Variants in NBPF15 observed in about 807,000 individuals in gnomAD.
The protein encoded by NBPF15 is NBPF family member NBPF15.
A neutral mutation model predicts 62.2 loss-of-function variants in NBPF15; 74 were observed. The ratio of observed to expected loss-of-function variants is 1.19; its 90% CI spans 0.99 to 1.44. The LOEUF is 1.44. Ranked by LOEUF, NBPF15 falls within the 40% of genes most tolerant of loss-of-function variation. NBPF15 has a pLI of 0.00. For synonymous variants in NBPF15, 244 were observed against 209.7 expected (o/e 1.16, Z -1.41); for missense variants, 790 against 550.0 (o/e 1.44, Z -4.36).
In NBPF15 at chr1:144,424,696, C is replaced by T. The variant is rs1252817180; in HGVS notation, c.1657G>A (p.Val553Met). 114 of 628,708 alleles carry T rather than the reference C, an allele frequency of 1.8e-4. 1 individual carries two copies. The highest frequency in any genetic ancestry group is 5.7e-4 in the African/African-American group (30 of 52,774). 38.9% of individuals were successfully genotyped at this position (628,708 alleles called of 1,614,324 possible). ...TTCATAGAAAGGTACTCACCTCCCA[C>T]GTCAAGAGAAAAGCCAACATGTTTT... is the stretch of plus-strand genomic sequence containing the variant. ...EEKHVGFSLDVGEIEKKGKGK... is the reference protein window; with the variant it reads ...EEKHVGFSLDMGEIEKKGKGK... The change falls in exon 20 of 22, where the codon GTG (valine) becomes ATG (methionine). Residue 553 changes from valine (V) to methionine (M), a missense_variant. Val to Met is a conservative substitution (Grantham distance 21). Transcript: ENST00000581897.
intron 11 of NBPF15, among the ~76,000 whole-genome samples, 151 bp from the exon 12 acceptor site, chr1:144,435,467 G>A (rs1471619798): frequency 2.0e-4 from 30 of 151,832 alleles, no homozygotes; most frequent in African/African-American, 6.5e-4. Flanking sequence ...ATGCAATCCT[G>A]TTCTCTCTGC....
chr1:144,447,590 G>A (rs587762405), intron 6 of NBPF15, among the ~76,000 whole-genome samples: 31 of 151,966 alleles, frequency 2.0e-4, no homozygotes, highest in African/African-American at 7.2e-4. Context: ...GAAATGAGTG[G>A]AGAGTGGATC....
rs1434561281 is a variant in NBPF15 at position 144,444,467 on chromosome 1, T to C, written c.-190-4172A>G. 1.2e-4 allele frequency among the ~76,000 whole-genome samples: 18 copies of C among 151,858 alleles called. No homozygotes were observed. The South Asian group carries it at 3.6e-3, about 30-fold the overall frequency. On this transcript the variant is annotated intron_variant, in intron 6 of 21. Transcript: ENST00000581897. ...CCCCAGGCCTCCACAAACAAGTTTATTGGAGATCTGAAGGGACTCTCCAAA... is the reference window on the plus strand; with the variant it reads ...CCCCAGGCCTCCACAAACAAGTTTACTGGAGATCTGAAGGGACTCTCCAAA...
At chr1:144,456,170 G>C (rs1338852299) in intron 4 of NBPF15, among the ~76,000 whole-genome samples, 15 of 149,750 alleles carry the variant, frequency 1.0e-4, no homozygotes, top group African/African-American at 3.7e-4. Context: ...AGCTGAAGAG[G>C]AGAAAGCAGG....
At chr1:144,439,080 T>C (rs1486811521) in intron 8 of NBPF15, among the ~76,000 whole-genome samples, 3 of 151,750 alleles carry the variant, frequency 2.0e-5, no homozygotes, top group Admixed American at 6.6e-5. Context: ...GCCTCCTGGG[T>C]TCAAAGGATT....
At chr1:144,427,400 G>T (rs1419229985) in intron 16 of NBPF15, among the ~76,000 whole-genome samples, 4 of 142,184 alleles carry the variant, frequency 2.8e-5, no homozygotes, top group Non-Finnish European at 6.1e-5. Context: ...GCCCCCAAAT[G>T]GTTGCTAGGA....
chr1:144,429,623 G>A, intron 14 of NBPF15, 77 bp downstream of exon 14: 1 of 592,018 alleles, frequency 1.7e-6, no homozygotes. Context: ...CCCAACAAGG[G>A]GCACAAGGCC....
At chr1:144,431,545 A>T (rs1313514582) in intron 13 of NBPF15, among the ~76,000 whole-genome samples, 1 of 149,820 alleles carries the variant, frequency 6.7e-6, no homozygotes, top group African/African-American at 2.5e-5. Context: ...CACAACGTGC[A>T]GGTTAGTTAC....
intron 6 of NBPF15, among the ~76,000 whole-genome samples, chr1:144,446,161 T>A (rs1273671978): frequency 6.6e-6 from 1 of 152,018 alleles, no homozygotes; most frequent in African/African-American, 2.4e-5. Flanking sequence ...TCTGTTGAAT[T>A]TATTTATAAG....
chr1:144,452,113 TTG>T (rs1691561812), intron 4 of NBPF15, among the ~76,000 whole-genome samples: 1 of 151,354 alleles, frequency 6.6e-6, no homozygotes, highest in African/African-American at 2.4e-5. Flanking sequence ...GATGGCGCCG[TTG>T]CATTCGAGCC....
At position 144,445,650 on chromosome 1, in the gene NBPF15, C is replaced by T. The variant is rs782760937; in HGVS notation, c.-191+3125G>A. The stretch of plus-strand genomic sequence containing the variant: ...AATGGTAGAATCAGCTTGTAAATTT[C>T]TACCAAAATGCCGCTTGGAATTATT... On this transcript the variant is annotated intron_variant, in intron 6 of 21. Transcript: ENST00000581897. Among the ~76,000 whole-genome samples the T allele has an allele frequency of 1.7e-3, 256 of 151,022 alleles. 2 individuals carry two copies. The highest frequency in any genetic ancestry group is 3.1e-3 in the Non-Finnish European group (208 of 67,774).
At chr1:144,455,312 A>G (rs1251170746) in intron 4 of NBPF15, among the ~76,000 whole-genome samples, 1 of 151,794 alleles carries the variant, frequency 6.6e-6, no homozygotes, top group Non-Finnish European at 1.5e-5. Context: ...AAGGAAATGA[A>G]CAAATTTACA....
intron 6 of NBPF15, among the ~76,000 whole-genome samples, chr1:144,445,000 A>G (rs1391175939): frequency 6.6e-6 from 1 of 151,676 alleles, no homozygotes; most frequent in South Asian, 2.1e-4. Context: ...AAGACTTCCA[A>G]GTGCTTTATA....
chr1:144,457,155 G>GA (rs1164990181), intron 3 of NBPF15, among the ~76,000 whole-genome samples: 8 of 150,528 alleles, frequency 5.3e-5, no homozygotes, highest in Non-Finnish European at 8.9e-5. Flanking sequence ...CAGCCTGGGG[G>GA]AAAAAAAAAT....
chr1:144,444,531 G>A (rs1330010261), intron 6 of NBPF15, among the ~76,000 whole-genome samples: 17 of 151,774 alleles, frequency 1.1e-4, no homozygotes, highest in African/African-American at 3.9e-4. Flanking sequence ...AGGGCCCCCA[G>A]CACCTAGACC....
At chr1:144,453,638 CAAAAAAAA>C (rs200525708) in intron 4 of NBPF15, among the ~76,000 whole-genome samples, 8 of 36,410 alleles carry the variant, frequency 2.2e-4, no homozygotes, top group Middle Eastern at 0.017. Flanking sequence ...CAACACAAAG[CAAAAAAAA>C]AAAAAAAAAA....
chr1:144,425,102 A>C (rs1553539038), intron 19 of NBPF15, among the ~76,000 whole-genome samples: 1 of 146,406 alleles, frequency 6.8e-6, no homozygotes, highest in Admixed American at 6.8e-5. Context: ...ACACACACAC[A>C]CAGACACACA....
At position 144,435,091 on chromosome 1, in the gene NBPF15, A is replaced by G. The variant is rs1553540797; in HGVS notation, c.772+20T>C. 6.2e-7 allele frequency: 1 copy of G among 1,612,432 alleles called. No individual in the cohort carries two copies. Among genetic ancestry groups the G allele is most frequent in the South Asian group, 1.1e-5 (1 of 91,010 alleles). ...CTCAGCCTAGAGAGAGGTATGAGAC[A>G]CAAGGAAAACAGAGGCTACCTGGAA... On this transcript the variant is annotated intron_variant, in intron 12 of 21. Coordinates refer to ENST00000581897, the MANE Select transcript of NBPF15 (RefSeq NM_001385408.1).
At chr1:144,453,521 T>C (rs1226722334) in intron 4 of NBPF15, among the ~76,000 whole-genome samples, 14 of 151,080 alleles carry the variant, frequency 9.3e-5, no homozygotes, top group Non-Finnish European at 1.8e-4. Context: ...TGAAAGACAC[T>C]GTTAAGAGAA....
Sources: gnomAD v4.1 joint callset for allele counts (sites outside exome capture counted in the v4.1 genomes callset) on GRCh38, gnomAD v4.1.1 for gene constraint, MANE v1.5 for transcripts, NCBI Gene and HGNC (gene_info 2026-07-23, HGNC 2026-07-21) for gene names.